The following ZNF793 variants were observed in gnomAD, a reference collection of about 807,000 sequenced individuals.
ZNF793 encodes zinc finger protein 793.
ZNF793 carries 5 observed loss-of-function variants against 12.4 expected under a neutral mutation model. The ratio of observed to expected loss-of-function variants is 0.40; its 90% CI spans 0.21 to 0.84. ZNF793 has a LOEUF of 0.84. ZNF793 is among the 40% of genes least tolerant of loss of function. ZNF793 has a pLI of 0.35. For missense variants in ZNF793, 456 were observed against 495.0 expected (o/e 0.92, Z 0.75); for synonymous variants, 162 against 172.4 (o/e 0.94, Z 0.47).
At chr19:37,513,817 C>T (rs1033462809) in intron 2 of ZNF793, among the ~76,000 whole-genome samples, 1 of 152,040 alleles carries the variant, frequency 6.6e-6, no homozygotes, top group Admixed American at 6.6e-5. Flanking sequence ...ATTAGATGAG[C>T]GAATATGGTA....
chr19:37,507,503 T>A (rs1426535148), intron 1 of ZNF793, among the ~76,000 whole-genome samples: 3 of 152,140 alleles, frequency 2.0e-5, no homozygotes, highest in African/African-American at 7.2e-5. Context: ...AGGTCAGTGG[T>A]GATGAATGTT....
chr19:37,530,197 T>G (rs903604399), intron 5 of ZNF793, among the ~76,000 whole-genome samples: 7 of 152,192 alleles, frequency 4.6e-5, no homozygotes, highest in African/African-American at 1.7e-4. Flanking sequence ...CTAAGGCGGT[T>G]TCCCCCTATC....
At chr19:37,514,599 T>A (rs576800817) in intron 2 of ZNF793, among the ~76,000 whole-genome samples, 2 of 151,404 alleles carry the variant, frequency 1.3e-5, no homozygotes, top group Non-Finnish European at 2.9e-5. Flanking sequence ...GATAGATAGA[T>A]AGATAGATAG....
Position 37,532,487 on chromosome 19 carries a change from G to C in ZNF793, c.142+5G>C, listed in dbSNP as rs370600801. 1.4e-5 allele frequency: 23 copies of C among 1,597,876 alleles called. No individual in the cohort carries two copies. The highest frequency in any genetic ancestry group is 1.8e-5 in the Non-Finnish European group (21 of 1,172,520). ...ATAGCAACCTCGTCTCAGTGGGTAA[G>C]AACATCCTCACCATACAATGCAGAT... On this transcript the variant is annotated splice_donor_5th_base_variant and intron_variant, in intron 6 of 7. Transcript: ENST00000627814.
chr19:37,512,781 A>G (rs2042303840), intron 2 of ZNF793, among the ~76,000 whole-genome samples: 1 of 152,190 alleles, frequency 6.6e-6, no homozygotes, highest in African/African-American at 2.4e-5. Context: ...TATCTGATGC[A>G]TAGACTTTAT....
chr19:37,521,063 C>T (rs1278268380), intron 3 of ZNF793, among the ~76,000 whole-genome samples: 1 of 151,260 alleles, frequency 6.6e-6, no homozygotes, highest in Non-Finnish European at 1.5e-5. Flanking sequence ...TCTCGGCTCA[C>T]TGCAAGCTCC....
At chr19:37,536,540 T>C (rs1174195377) in intron 7 of ZNF793, 6 of 409,582 alleles carry the variant, frequency 1.5e-5, no homozygotes, top group Admixed American at 4.1e-5. Flanking sequence ...ACCACATTCT[T>C]ACGTTTACAT....
intron 5 of ZNF793, among the ~76,000 whole-genome samples, chr19:37,525,217 C>A (rs1440637928): frequency 6.6e-6 from 1 of 151,682 alleles, no homozygotes; most frequent in Non-Finnish European, 1.5e-5. Context: ...TGGCTCACTG[C>A]CAACTCCTCC....
intron 2 of ZNF793, among the ~76,000 whole-genome samples, chr19:37,516,710 G>A (rs1041182897): frequency 2.0e-5 from 3 of 151,634 alleles, no homozygotes; most frequent in African/African-American, 4.8e-5. Flanking sequence ...ACAGTGGTAC[G>A]ATCTCAGCTC....
At chr19:37,518,429 C>G (rs2042349945) in intron 2 of ZNF793, among the ~76,000 whole-genome samples, 1 of 151,932 alleles carries the variant, frequency 6.6e-6, no homozygotes, top group Non-Finnish European at 1.5e-5. Flanking sequence ...CACCTGGCCT[C>G]CACTACTATT....
intron 5 of ZNF793, among the ~76,000 whole-genome samples, chr19:37,525,586 A>G (rs1223484407): frequency 1.3e-5 from 2 of 148,834 alleles, no homozygotes; most frequent in East Asian, 4.0e-4. Context: ...ACAGGCGCCC[A>G]CCATCAAACC....
rs910042490 is a variant in ZNF793, at chr19:37,541,694, G to C, written c.*3815G>C. On this transcript the variant is annotated 3_prime_UTR_variant, in exon 8 of 8. Transcript: ENST00000627814. ...ACTCCATCTCAGAAAAAAAGAAAAA[G>C]AAAAAAAAAAGGAAACAAACATTTG... 1 of 145,500 alleles carries C rather than the reference G, an allele frequency of 6.9e-6. No homozygotes were observed. The highest frequency in any genetic ancestry group is 6.8e-5 in the Admixed American group (1 of 14,718). 9.0% of individuals were successfully genotyped at this position (145,500 alleles called of 1,614,324 possible).
rs558515448 is a variant in ZNF793, at chr19:37,539,277, A to G, written c.*1398A>G. 1 of 152,324 alleles carries G rather than the reference A, an allele frequency of 6.6e-6. No individual in the cohort carries two copies. The highest frequency in any genetic ancestry group is 1.9e-4 in the East Asian group (1 of 5,190). 9.4% of individuals were successfully genotyped at this position (152,324 alleles called of 1,614,324 possible). A position where few individuals can be genotyped will look rare whatever the true frequency, so the allele number is the denominator to read the frequency against. ...ATATTTTCTTAGTCTTGCTTAAAAT[A>G]TCTTGTAGCAAATTAGTAGCATTGC... is the stretch of plus-strand genomic sequence containing the variant. On this transcript the variant is annotated 3_prime_UTR_variant, in exon 8 of 8. Coordinates refer to ENST00000627814, the MANE Select transcript of ZNF793 (RefSeq NM_001013659.3).
At chr19:37,525,966 G>T (rs1403362318) in intron 5 of ZNF793, among the ~76,000 whole-genome samples, 1 of 152,148 alleles carries the variant, frequency 6.6e-6, no homozygotes. Context: ...GTCCTGAGAA[G>T]ACTTCTCCTT....
intron 2 of ZNF793, among the ~76,000 whole-genome samples, chr19:37,519,456 C>T (rs2042358836): frequency 6.6e-6 from 1 of 152,046 alleles, no homozygotes; most frequent in African/African-American, 2.4e-5. Flanking sequence ...GGGAAAATAT[C>T]AACAAGTTGA....
intron 3 of ZNF793, among the ~76,000 whole-genome samples, chr19:37,522,229 C>A (rs961373030): frequency 2.0e-5 from 3 of 152,148 alleles, no homozygotes; most frequent in African/African-American, 7.2e-5. Context: ...CCAAGTCTCG[C>A]TCTTGTCACC....
chr19:37,537,380 A>C lies in ZNF793; in HGVS notation c.722A>C (p.Glu241Ala), dbSNP rs551086960. ...GGGAAAGCCTTCTGCTACAAGTCTGAATTCATTAGGCATCAGAGAAGTCAC... is the reference window on the plus strand; with the variant it reads ...GGGAAAGCCTTCTGCTACAAGTCTGCATTCATTAGGCATCAGAGAAGTCAC... ...ECGKAFCYKS[E>A]FIRHQRSHTG... The change falls in exon 8 of 8, where the codon GAA becomes GCA. Residue 241 changes from glutamate to alanine, a missense_variant. Physicochemically the swap from Glu to Ala is moderately radical, Grantham distance 107 (BLOSUM62 -1). Transcript: ENST00000627814. The C allele has an allele frequency of 6.2e-7, 1 of 1,613,032 alleles. No individual in the cohort carries two copies. Among genetic ancestry groups the C allele is most frequent in the Non-Finnish European group, 8.5e-7 (1 of 1,179,404 alleles).
At chr19:37,535,877 A>T (rs1041699702) in intron 7 of ZNF793, 1 of 152,240 alleles carries the variant, frequency 6.6e-6, no homozygotes, top group Non-Finnish European at 1.5e-5. Context: ...TTTCATTTAT[A>T]CGTTAATGAG....
chr19:37,514,575 C>CAGATAGATAGAT (rs57773647), intron 2 of ZNF793, among the ~76,000 whole-genome samples: 6,616 of 149,218 alleles, frequency 0.044, 200 homozygotes, highest in East Asian at 0.14. Context: ...GATAGATAGA[C>CAGATAGATAGAT]AGATAGATAG....
Sources: gnomAD v4.1 joint callset for allele counts (sites outside exome capture counted in the v4.1 genomes callset) on GRCh38, gnomAD v4.1.1 for gene constraint, MANE v1.5 for transcripts, NCBI Gene and HGNC (gene_info 2026-07-23, HGNC 2026-07-21) for gene names.